LINGO2: variants seen among roughly 807,000 people sequenced by gnomAD.
The protein encoded by LINGO2 is leucine-rich repeat and immunoglobulin-like domain-containing nogo receptor-interacting protein 2.
LINGO2 carries 14 observed loss-of-function variants against 30.6 expected under a neutral mutation model. That is an observed-to-expected ratio of 0.46 (90% CI 0.30 to 0.72). The LOEUF is 0.72. Among genes scored for constraint, LINGO2 ranks in the 30% least tolerant of loss-of-function variants. LINGO2 has a pLI of 0.07. For synonymous variants in LINGO2, 317 were observed against 288.5 expected (o/e 1.10, Z -1.00); for missense variants, 729 against 751.7 (o/e 0.97, Z 0.35).
the LINGO2 span, among the ~76,000 whole-genome samples, chr9:29,042,020 A>T: frequency 6.6e-6 from 1 of 152,052 alleles, no homozygotes. Flanking sequence ...GGATACACAA[A>T]TAGAAAATAA....
intron 4 of LINGO2, among the ~76,000 whole-genome samples, chr9:28,084,140 T>C (rs1184380112): frequency 6.6e-6 from 1 of 152,154 alleles, no homozygotes; most frequent in African/African-American, 2.4e-5. Context: ...CAACCATATA[T>C]ACAGCCCTCA....
chr9:28,573,966 T>A (rs1185683818), intron 1 of LINGO2, among the ~76,000 whole-genome samples: 1 of 152,278 alleles, frequency 6.6e-6, no homozygotes, highest in African/African-American at 2.4e-5. Flanking sequence ...AGCTATAATA[T>A]CCAAATTTCT....
intron 1 of LINGO2, among the ~76,000 whole-genome samples, chr9:28,478,395 T>G (rs982730574): frequency 2.0e-5 from 3 of 152,084 alleles, no homozygotes; most frequent in African/African-American, 7.2e-5. Flanking sequence ...ATGAGTTACA[T>G]GGAGATTTAT....
the LINGO2 span, among the ~76,000 whole-genome samples, chr9:28,827,717 T>C: frequency 6.6e-6 from 1 of 152,140 alleles, no homozygotes; most frequent in South Asian, 2.1e-4. Flanking sequence ...ATGTACAAGA[T>C]TAAAATTAGC....
At chr9:29,001,091 A>ATGTT in the LINGO2 span, among the ~76,000 whole-genome samples, 1 of 150,712 alleles carries the variant, frequency 6.6e-6, no homozygotes, top group Non-Finnish European at 1.5e-5. Flanking sequence ...GTATATTTGT[A>ATGTT]TGTGTGTGTG....
the LINGO2 span, among the ~76,000 whole-genome samples, chr9:28,706,015 T>G: frequency 6.6e-6 from 1 of 152,092 alleles, no homozygotes; most frequent in East Asian, 1.9e-4. Flanking sequence ...GACTGGAAAC[T>G]TACACTCCAG....
the LINGO2 span, among the ~76,000 whole-genome samples, chr9:28,880,578 ATAGTCTGAAATATGGCCTCG>A: frequency 1.3e-5 from 2 of 152,122 alleles, no homozygotes; most frequent in Non-Finnish European, 2.9e-5. Flanking sequence ...TCCCCATGTG[ATAGTCTGAAATATGGCCTCG>A]TGGGATGAGA....
chr9:28,873,015 T>C, the LINGO2 span, among the ~76,000 whole-genome samples: 4 of 152,134 alleles, frequency 2.6e-5, no homozygotes, highest in Non-Finnish European at 5.9e-5. Context: ...GAAAATTCAG[T>C]AGCCAAAATT....
intron 3 of LINGO2, among the ~76,000 whole-genome samples, chr9:28,341,726 T>C (rs1244728537): frequency 1.3e-5 from 2 of 152,134 alleles, no homozygotes; most frequent in African/African-American, 4.8e-5. Flanking sequence ...ATAGCGTGTG[T>C]TTCTAACTTT....
intron 2 of LINGO2, among the ~76,000 whole-genome samples, chr9:28,469,895 A>G (rs956588664): frequency 6.6e-6 from 1 of 152,204 alleles, no homozygotes; most frequent in African/African-American, 2.4e-5. Context: ...GAAGTTCTCC[A>G]GTAAAAATGA....
chr9:28,285,491 C>T (rs1415732517), intron 4 of LINGO2, among the ~76,000 whole-genome samples: 1 of 146,976 alleles, frequency 6.8e-6, no homozygotes, highest in Non-Finnish European at 1.5e-5. Context: ...CTGCAAGGTC[C>T]GCCTCCCGGG....
the LINGO2 span, among the ~76,000 whole-genome samples, chr9:29,076,646 A>ATAT: frequency 1.4e-5 from 2 of 145,770 alleles, no homozygotes; most frequent in African/African-American, 2.5e-5. Context: ...TATATATATA[A>ATAT]AATAAATTCA....
the LINGO2 span, among the ~76,000 whole-genome samples, chr9:29,040,346 T>A: frequency 6.6e-6 from 1 of 152,104 alleles, no homozygotes; most frequent in Non-Finnish European, 1.5e-5. Context: ...AAATTATCGT[T>A]GTTGCAAGTT....
the LINGO2 span, among the ~76,000 whole-genome samples, chr9:28,746,319 A>C: frequency 6.6e-6 from 1 of 152,050 alleles, no homozygotes; most frequent in Non-Finnish European, 1.5e-5. Flanking sequence ...ATTTTAAATA[A>C]AATTACTTGA....
chr9:28,879,736 T>C, the LINGO2 span, among the ~76,000 whole-genome samples: 1 of 152,184 alleles, frequency 6.6e-6, no homozygotes, highest in East Asian at 1.9e-4. Context: ...TGGTTGACTT[T>C]AACATCACCA....
At chr9:28,358,905 G>A (rs539488117) in intron 3 of LINGO2, among the ~76,000 whole-genome samples, 1 of 152,226 alleles carries the variant, frequency 6.6e-6, no homozygotes, top group South Asian at 2.1e-4. Context: ...TCTTGTAAAG[G>A]TTGAATCCAA....
intron 1 of LINGO2, among the ~76,000 whole-genome samples, chr9:28,499,771 A>T (rs796747436): frequency 3.3e-5 from 5 of 152,286 alleles, no homozygotes; most frequent in African/African-American, 1.2e-4. Flanking sequence ...TATAGATGTG[A>T]CATTTCCAAA....
intron 4 of LINGO2, among the ~76,000 whole-genome samples, chr9:28,017,414 C>G (rs988973274): frequency 3.3e-5 from 5 of 152,138 alleles, no homozygotes; most frequent in African/African-American, 1.2e-4. Context: ...TGTTTGCAGA[C>G]ATTATGACCG....
At chr9:27,955,934 A>ACT (rs1554644767) in intron 5 of LINGO2, among the ~76,000 whole-genome samples, 1 of 73,826 alleles carries the variant, frequency 1.4e-5, no homozygotes, top group East Asian at 4.7e-4. Flanking sequence ...ATGGATACTG[A>ACT]CTTTTTTTTT....
Sources: allele counts gnomAD v4.1 joint callset (sites outside exome capture counted in the v4.1 genomes callset), GRCh38; gene constraint gnomAD v4.1.1; transcripts MANE v1.5; gene names NCBI Gene and HGNC (gene_info 2026-07-23, HGNC 2026-07-21).